The following RORA variants were observed in gnomAD, a reference collection of about 807,000 sequenced individuals.
RORA encodes nuclear receptor ROR-alpha.
RORA carries 7 observed loss-of-function variants against 69.5 expected under a neutral mutation model. The observed-to-expected ratio is 0.10, with a 90% CI of 0.06 to 0.19. RORA has a LOEUF of 0.19. RORA is among the 10% of genes least tolerant of loss of function. RORA has a pLI of 1.00. For synonymous variants in RORA, 261 were observed against 240.8 expected (o/e 1.08, Z -0.78); for missense variants, 457 against 663.0 (o/e 0.69, Z 3.41).
At chr15:60,616,300 G>T (rs997292055) in intron 2 of RORA, among the ~76,000 whole-genome samples, 2 of 152,110 alleles carry the variant, frequency 1.3e-5, no homozygotes, top group Admixed American at 1.3e-4. Flanking sequence ...GCTATGACGC[G>T]TCTTCAGTGT....
At chr15:61,019,133 C>T (rs979368853) in intron 1 of RORA, among the ~76,000 whole-genome samples, 1 of 152,216 alleles carries the variant, frequency 6.6e-6, no homozygotes, top group African/African-American at 2.4e-5. Context: ...CTGCAAGGCA[C>T]AAGAATTGCA....
At chr15:61,108,975 G>A (rs1232871832) in intron 1 of RORA, among the ~76,000 whole-genome samples, 11 of 152,162 alleles carry the variant, frequency 7.2e-5, no homozygotes, top group Non-Finnish European at 1.6e-4. Context: ...AAGGCAGGCA[G>A]ATCATGAGGT....
At chr15:60,630,854 C>G (rs1397907582) in intron 2 of RORA, among the ~76,000 whole-genome samples, 1 of 148,756 alleles carries the variant, frequency 6.7e-6, no homozygotes, top group Admixed American at 6.7e-5. Context: ...CAAAGTCACA[C>G]TGGTAGATGG....
intron 2 of RORA, chr15:60,592,361 G>T: frequency 7.2e-7 from 1 of 1,392,568 alleles, no homozygotes; most frequent in Non-Finnish European, 9.4e-7. Context: ...CAGCCCACCC[G>T]GCCCCGGCGG....
chr15:60,882,654 CACACACACACACACACAA>C (rs1210547063), intron 1 of RORA, among the ~76,000 whole-genome samples: 1 of 151,674 alleles, frequency 6.6e-6, no homozygotes, highest in African/African-American at 2.4e-5. Context: ...CACACACACA[CACACACACACACACACAA>C]ACACACACAC....
intron 3 of RORA, among the ~76,000 whole-genome samples, chr15:60,515,219 A>C (rs917722512): frequency 2.0e-5 from 3 of 152,244 alleles, no homozygotes; most frequent in South Asian, 4.1e-4. Flanking sequence ...GAACCATGGT[A>C]ATCTTCACTA....
chr15:60,946,903 G>A (rs1465375100), intron 1 of RORA, among the ~76,000 whole-genome samples: 4 of 150,950 alleles, frequency 2.6e-5, no homozygotes, highest in Non-Finnish European at 3.0e-5. Context: ...TGTGAGGAGC[G>A]CCTCTGCCCG....
rs371441787 is a variant in RORA at position 60,845,348 on chromosome 15, C to T, written c.167-166662G>A. Among the ~76,000 whole-genome samples, 29 of 152,288 alleles carry T rather than the reference C, an allele frequency of 1.9e-4. No homozygotes were observed. In the East Asian group the frequency reaches 3.1e-3, roughly 16 times the overall value. ...GGTTCTGAATTCTCTGAGCCACAGA[C>T]GATGGTATGTTTCTCCTCTCTGAAG... On this transcript the variant is annotated intron_variant, in intron 1 of 10. Transcript: ENST00000335670.
chr15:60,906,696 A>G (rs1471758676), intron 1 of RORA, among the ~76,000 whole-genome samples: 1 of 152,188 alleles, frequency 6.6e-6, no homozygotes, highest in Non-Finnish European at 1.5e-5. Context: ...TGGCCAATCC[A>G]GGGGCTAGCT....
At chr15:60,586,959 A>C (rs1172469045) in intron 2 of RORA, among the ~76,000 whole-genome samples, 1 of 152,202 alleles carries the variant, frequency 6.6e-6, no homozygotes, top group African/African-American at 2.4e-5. Context: ...ATCTACAATC[A>C]TGCCCCTAAG....
At chr15:61,032,476 T>C (rs1896224205) in intron 1 of RORA, among the ~76,000 whole-genome samples, 1 of 151,988 alleles carries the variant, frequency 6.6e-6, no homozygotes. Context: ...CACTAAGAGG[T>C]AAAAATCAAG....
intron 1 of RORA, among the ~76,000 whole-genome samples, chr15:61,052,297 G>T (rs1267878450): frequency 6.6e-6 from 1 of 152,158 alleles, no homozygotes; most frequent in East Asian, 1.9e-4. Context: ...ACATATTTTT[G>T]TTTCTTTCTC....
At chr15:61,212,988 T>C (rs1261189169) in intron 1 of RORA, among the ~76,000 whole-genome samples, 1 of 152,164 alleles carries the variant, frequency 6.6e-6, no homozygotes, top group East Asian at 1.9e-4. Flanking sequence ...TTTTTTTGTT[T>C]TCTTGCCTAA....
chr15:60,859,352 G>A (rs978464236), intron 1 of RORA, among the ~76,000 whole-genome samples: 1 of 152,058 alleles, frequency 6.6e-6, no homozygotes, highest in Non-Finnish European at 1.5e-5. Context: ...TCAAAGTGTG[G>A]CTTATGGCTT....
Position 60,489,974 on chromosome 15 carries a change from T to A in RORA, c.*7481A>T, listed in dbSNP as rs747994453. The A allele has an allele frequency of 1.3e-5, 2 of 152,100 alleles. No individual in the cohort carries two copies. The highest frequency in any genetic ancestry group is 2.9e-5 in the Non-Finnish European group (2 of 68,006). The allele number at this position is 152,100 out of a possible 1,614,324, so 9.4% of individuals were successfully genotyped here. A position where few individuals can be genotyped will look rare whatever the true frequency, so the allele number is the denominator to read the frequency against. ...CAAACATAAAGTAAATGCTAATAAG[T>A]TTCCATATAGCCATATTTATAAACA... On this transcript the variant is annotated 3_prime_UTR_variant, in exon 11 of 11. Coordinates refer to ENST00000335670, the MANE Select transcript of RORA (RefSeq NM_134261.3).
At chr15:61,063,354 G>A (rs1327148581) in intron 1 of RORA, among the ~76,000 whole-genome samples, 1 of 152,190 alleles carries the variant, frequency 6.6e-6, no homozygotes, top group African/African-American at 2.4e-5. Context: ...CAGTGAGAAC[G>A]TGCTGGAATA....
chr15:60,577,110 T>A (rs556940805), intron 2 of RORA, among the ~76,000 whole-genome samples: 36 of 152,338 alleles, frequency 2.4e-4, no homozygotes, highest in Middle Eastern at 6.8e-3. Context: ...CTTCCACTGT[T>A]ATGAAAGATG....
intron 1 of RORA, among the ~76,000 whole-genome samples, chr15:60,845,127 G>A (rs1025380343): frequency 6.6e-6 from 1 of 152,130 alleles, no homozygotes. Flanking sequence ...AAAATGAAAA[G>A]GTTGAGAAGG....
rs553903437 is a variant in RORA, at chr15:61,088,699, G to A, written c.166+140354C>T. ...ATGGCTGGGTCTGAGAGCAAAATGG[G>A]CTAGTAAACTAGTAAACTAACAACG... is the stretch of plus-strand genomic sequence containing the variant. On this transcript the variant is annotated intron_variant, in intron 1 of 10. Coordinates refer to ENST00000335670, the MANE Select transcript of RORA (RefSeq NM_134261.3). Among the ~76,000 whole-genome samples, 17 of 152,212 alleles carry A rather than the reference G, an allele frequency of 1.1e-4. No homozygotes were observed. The South Asian group carries it at 3.5e-3, about 32-fold the overall frequency.
Sources: allele counts gnomAD v4.1 joint callset (sites outside exome capture counted in the v4.1 genomes callset), GRCh38; gene constraint gnomAD v4.1.1; transcripts MANE v1.5; gene names NCBI Gene and HGNC (gene_info 2026-07-23, HGNC 2026-07-21).